CPA5: variants seen among roughly 807,000 people sequenced by gnomAD.
The protein encoded by CPA5 is carboxypeptidase A5.
A neutral mutation model predicts 52.2 loss-of-function variants in CPA5; 38 were observed. That is an observed-to-expected ratio of 0.73 (90% CI 0.56 to 0.95). The LOEUF is 0.95. Ranked by LOEUF, CPA5 falls within the 40% of genes least tolerant of loss-of-function variation. The probability of loss-of-function intolerance (pLI) is 0.00; values close to 1 mark genes in which losing one functional copy is unlikely to be tolerated. For missense variants in CPA5, 519 were observed against 566.7 expected (o/e 0.92, Z 0.86); for synonymous variants, 198 against 213.7 (o/e 0.93, Z 0.64).
intron 5 of CPA5, among the ~76,000 whole-genome samples, chr7:130,355,608 T>C (rs782519009): frequency 5.3e-5 from 8 of 152,226 alleles, no homozygotes; most frequent in Admixed American, 1.3e-4. Context: ...GGTTTTGCCA[T>C]GTTGGCCAGG....
At chr7:130,349,553 A>C (rs1794997472) in intron 4 of CPA5, among the ~76,000 whole-genome samples, 1 of 152,230 alleles carries the variant, frequency 6.6e-6, no homozygotes, top group South Asian at 2.1e-4. Flanking sequence ...GTATATTTTA[A>C]AATAACTAAA....
chr7:130,363,446 A>G lies in CPA5; in HGVS notation c.775A>G (p.Ile259Val), dbSNP rs782491933. Reference protein sequence around the residue: ...MNRLWRKNKSIRPGIFCIGVD... With the variant: ...MNRLWRKNKSVRPGIFCIGVD... The stretch of plus-strand genomic sequence containing the variant: ...CCGCTTATGGCGGAAGAACAAGTCC[A>G]TCAGACCTGGAATCTTCTGCATCGG... Residue 259 changes from isoleucine (I) to valine (V), a missense_variant, in exon 10 of 13, where the codon ATC becomes GTC. Transcript: ENST00000474905. 24 of 1,579,006 alleles carry G rather than the reference A, an allele frequency of 1.5e-5. No individual in the cohort carries two copies. The highest frequency in any genetic ancestry group is 2.1e-5 in the Non-Finnish European group (24 of 1,161,842).
Position 130,348,311 on chromosome 7 carries a change from G to T in CPA5, c.198+464G>T, listed in dbSNP as rs1045449274. On this transcript the variant is annotated intron_variant, in intron 4 of 12. Coordinates refer to ENST00000474905, the MANE Select transcript of CPA5 (RefSeq NM_080385.5). ...TCCTGAGAACATTTGTCCTCTGCAG[G>T]TTTTCACAATGGAAAACATTTTCTT... Among the ~76,000 whole-genome samples, 6 of 152,280 alleles carry T rather than the reference G, an allele frequency of 3.9e-5. No individual in the cohort carries two copies. In the East Asian group the frequency reaches 1.2e-3, roughly 29 times the overall value.
At chr7:130,361,898 T>C (rs1795811390) in intron 7 of CPA5, among the ~76,000 whole-genome samples, 2 of 152,218 alleles carry the variant, frequency 1.3e-5, no homozygotes, top group South Asian at 4.1e-4. Flanking sequence ...GATTCTCTGA[T>C]GGGCTCCTCC....
downstream of CPA5, among the ~76,000 whole-genome samples, chr7:130,373,403 AAGAG>A (rs1796312784): frequency 6.6e-6 from 1 of 152,160 alleles, no homozygotes; most frequent in African/African-American, 2.4e-5. Context: ...GGAAAAACTG[AAGAG>A]AGAAAGAGCA....
At chr7:130,358,714 C>T (rs142893134) in intron 5 of CPA5, among the ~76,000 whole-genome samples, 1 of 152,262 alleles carries the variant, frequency 6.6e-6, no homozygotes, top group African/African-American at 2.4e-5. Context: ...CTCCTGGATG[C>T]CATTATAAGG....
chr7:130,373,113 G>C (rs986809461), downstream of CPA5, among the ~76,000 whole-genome samples: 2 of 152,200 alleles, frequency 1.3e-5, no homozygotes, highest in Non-Finnish European at 2.9e-5. Context: ...AGCCCAGAGA[G>C]ATAATGGCGG....
chr7:130,362,313 C>T, intron 7 of CPA5, 125 bp from the exon 8 acceptor site: 1 of 613,348 alleles, frequency 1.6e-6, no homozygotes, highest in South Asian at 1.8e-5. Context: ...CACACACACC[C>T]TCTTACCCAG....
rs782512547 is a variant in CPA5, at chr7:130,361,187, T to C, written c.477T>C (p.Ile159=). Residue 159 remains isoleucine (I), a synonymous_variant, in exon 7 of 13, where the codon ATT becomes ATC. Coordinates refer to ENST00000474905, the MANE Select transcript of CPA5 (RefSeq NM_080385.5). ...IDNFVMEHSD[I]VSKIQIGNSF... ...ACTTTGTAATGGAGCATTCCGATAT[T>C]GTCTCAAAAATTCAGATTGGCAACA... 3.3e-5 allele frequency: 53 copies of C among 1,613,982 alleles called. No individual in the cohort carries two copies. The highest frequency in any genetic ancestry group is 1.7e-5 in the Non-Finnish European group (20 of 1,179,966).
At chr7:130,360,225 C>T (rs1293783025) in intron 6 of CPA5, among the ~76,000 whole-genome samples, 2 of 152,278 alleles carry the variant, frequency 1.3e-5, no homozygotes, top group Non-Finnish European at 2.9e-5. Context: ...AACTCTTACA[C>T]ATATCCAATC....
At chr7:130,352,491 G>A (rs979008543) in intron 5 of CPA5, among the ~76,000 whole-genome samples, 8 of 151,840 alleles carry the variant, frequency 5.3e-5, no homozygotes, top group African/African-American at 9.7e-5. Flanking sequence ...ATTACGGTGC[G>A]CTGAAGAGCA....
chr7:130,350,610 C>G (rs1194349575), intron 5 of CPA5, among the ~76,000 whole-genome samples: 1 of 152,194 alleles, frequency 6.6e-6, no homozygotes, highest in African/African-American at 2.4e-5. Context: ...CTTCCCCCAA[C>G]CTCCACCGCT....
intron 11 of CPA5, 59 bp from the exon 12 acceptor site, chr7:130,367,847 G>C: frequency 7.1e-7 from 1 of 1,403,190 alleles, no homozygotes; most frequent in Non-Finnish European, 1.0e-6. Flanking sequence ...TGAGGGTGGG[G>C]GAGTGTGTGG....
At chr7:130,357,952 C>CTGTGTGTGTGTGTGTG (rs60840017) in intron 5 of CPA5, among the ~76,000 whole-genome samples, 53 of 140,020 alleles carry the variant, frequency 3.8e-4, no homozygotes, top group African/African-American at 6.1e-4. Context: ...TTTTGTGCCT[C>CTGTGTGTGTGTGTGTG]TGTGTGTGTG....
Position 130,368,532 on chromosome 7 carries a change from A to G in CPA5, c.1246A>G (p.Thr416Ala), listed in dbSNP as rs1171596585. ...GCTGCCGGCCACACAGATCATCCCC[A>G]CGGCCCAGGAGACGTGGATGGCGCT... ...FLLPATQIIPTAQETWMALRT... is the reference protein window; with the variant it reads ...FLLPATQIIPAAQETWMALRT... Residue 416 changes from threonine to alanine, a missense_variant, in exon 13 of 13, where the codon ACG (threonine) becomes GCG (alanine). Physicochemically the swap from Thr to Ala is moderately conservative, Grantham distance 58. Coordinates refer to ENST00000474905, the MANE Select transcript of CPA5 (RefSeq NM_080385.5). 2 of 1,613,852 alleles carry G rather than the reference A, an allele frequency of 1.2e-6. No individual in the cohort carries two copies. Among genetic ancestry groups the G allele is most frequent in the African/African-American group, 2.7e-5 (2 of 74,818 alleles).
chr7:130,353,017 C>T (rs1554404358), intron 5 of CPA5, among the ~76,000 whole-genome samples: 1 of 152,076 alleles, frequency 6.6e-6, no homozygotes, highest in Non-Finnish European at 1.5e-5. Context: ...CATACTCTGA[C>T]CATCTAGAGC....
chr7:130,370,669 T>G (rs1554409818), downstream of CPA5, among the ~76,000 whole-genome samples: 1 of 152,158 alleles, frequency 6.6e-6, no homozygotes, highest in East Asian at 1.9e-4. Flanking sequence ...CTTGGGTTTG[T>G]CAAACTCCAA....
At chr7:130,353,347 C>G (rs1030346108) in intron 5 of CPA5, among the ~76,000 whole-genome samples, 2 of 152,198 alleles carry the variant, frequency 1.3e-5, no homozygotes, top group East Asian at 3.9e-4. Flanking sequence ...CCTCTTCCAA[C>G]AGCACAACTG....
chr7:130,367,503 A>C lies in CPA5; in HGVS notation c.970A>C (p.Ser324Arg). 1 of 1,614,094 alleles carries C rather than the reference A, an allele frequency of 6.2e-7. No individual in the cohort carries two copies. The highest frequency in any genetic ancestry group is 2.2e-5 in the East Asian group (1 of 44,888). Residue 324 changes from serine (S) to arginine (R), a missense_variant, in exon 11 of 13, where the codon AGC (serine) becomes CGC (arginine). Ser to Arg is a moderately radical substitution (Grantham distance 110). Coordinates refer to ENST00000474905, the MANE Select transcript of CPA5 (RefSeq NM_080385.5). ...GNFKALISIH[S>R]YSQMLMYPYG... ...CTTCAAGGCTCTGATCTCCATCCAC[A>C]GCTACTCTCAGATGCTTATGTACCC...
Sources: allele counts gnomAD v4.1 joint callset (sites outside exome capture counted in the v4.1 genomes callset), GRCh38; gene constraint gnomAD v4.1.1; transcripts MANE v1.5; gene names NCBI Gene and HGNC (gene_info 2026-07-23, HGNC 2026-07-21).